Variants in PLEKHA7 observed in about 807,000 individuals in gnomAD.
The protein encoded by PLEKHA7 is pleckstrin homology domain containing A7, also known as pleckstrin homology domain-containing family A member 7.
In PLEKHA7, 104 loss-of-function variants were observed where a neutral mutation model predicts 170.0. That is an observed-to-expected ratio of 0.61 (90% CI 0.52 to 0.72). The LOEUF (loss-of-function observed/expected upper bound fraction) is 0.72, where lower values mean the gene tolerates loss of function less well. PLEKHA7 is among the 30% of genes least tolerant of loss of function. The pLI, the probability that PLEKHA7 is intolerant of heterozygous loss-of-function variation, is 0.00. For synonymous variants in PLEKHA7, 648 were observed against 660.8 expected (o/e 0.98, Z 0.30); for missense variants, 1,615 against 1,671.7 (o/e 0.97, Z 0.59).
rs542731628 is a variant in PLEKHA7 at position 16,981,648 on chromosome 11, C to T, written c.221+32341G>A. ...TAGTAGACGGGGTTGGGGGGCGGGG[C>T]GGGGAAGGAGCTGCAATAACTTGGC... On this transcript the variant is annotated intron_variant, in intron 3 of 26. Transcript: ENST00000531066. 2.6e-5 allele frequency among the ~76,000 whole-genome samples: 4 copies of T among 151,762 alleles called. No homozygotes were observed. In the South Asian group the frequency reaches 6.3e-4, roughly 24 times the overall value.
chr11:16,992,983 C>T (rs781437030), intron 3 of PLEKHA7, among the ~76,000 whole-genome samples: 3 of 152,148 alleles, frequency 2.0e-5, no homozygotes, highest in South Asian at 4.1e-4. Context: ...TGATATTTGA[C>T]GTGCTCTGAT....
intron 15 of PLEKHA7, among the ~76,000 whole-genome samples, chr11:16,802,279 AC>A (rs1848646437): frequency 6.6e-6 from 1 of 152,206 alleles, no homozygotes; most frequent in Admixed American, 6.5e-5. Flanking sequence ...TCCCATCCAG[AC>A]TTGCTGCCTC....
At chr11:16,882,894 C>A (rs530625448) in intron 3 of PLEKHA7, among the ~76,000 whole-genome samples, 2 of 150,546 alleles carry the variant, frequency 1.3e-5, no homozygotes, top group African/African-American at 5.0e-5. Context: ...ACACAGAGTT[C>A]AGAGTGGGTG....
At position 16,791,051 on chromosome 11, in the gene PLEKHA7, C is replaced by A; in HGVS notation, c.2894G>T (p.Arg965Leu). The change falls in exon 20 of 27, where the codon CGA (arginine) becomes CTA (leucine). Residue 965 changes from arginine to leucine, a missense_variant. Physicochemically the swap from Arg to Leu is moderately radical, Grantham distance 102. Coordinates refer to ENST00000531066, the MANE Select transcript of PLEKHA7 (RefSeq NM_001329630.2). The surrounding 1 kb of genome is among the most constrained non-coding windows in gnomAD (Gnocchi z 4.5). ...GLKRQSDERKRDRELGQCVNG... is the reference protein window; with the variant it reads ...GLKRQSDERKLDRELGQCVNG... Reference sequence around the variant, plus strand: ...CACACACTGCCCCAGCTCCCGGTCTCGCTTCCTCTCGTCTGACTGCCGCTT... The same window carrying A: ...CACACACTGCCCCAGCTCCCGGTCTAGCTTCCTCTCGTCTGACTGCCGCTT... 6.2e-7 allele frequency: 1 copy of A among 1,614,138 alleles called. No homozygotes were observed. Among genetic ancestry groups the A allele is most frequent in the Non-Finnish European group, 8.5e-7 (1 of 1,180,036 alleles).
intron 3 of PLEKHA7, among the ~76,000 whole-genome samples, chr11:17,000,696 A>T (rs779188034): frequency 1.9e-4 from 29 of 152,186 alleles, no homozygotes; most frequent in Non-Finnish European, 3.8e-4. Context: ...GTTGCCAGAT[A>T]CCATTCTAAG....
chr11:16,907,375 G>C (rs1285637183), intron 3 of PLEKHA7, among the ~76,000 whole-genome samples: 1 of 137,912 alleles, frequency 7.3e-6, no homozygotes, highest in African/African-American at 2.8e-5. Flanking sequence ...CGCCCCATCC[G>C]GGAGGGAGGT....
chr11:16,969,418 AC>A (rs1022837509), intron 3 of PLEKHA7, among the ~76,000 whole-genome samples: 1 of 152,040 alleles, frequency 6.6e-6, no homozygotes, highest in Non-Finnish European at 1.5e-5. Flanking sequence ...TTAATAGGGA[AC>A]CTATTTTGAT....
chr11:16,794,133 C>T (rs1050238363), intron 19 of PLEKHA7, among the ~76,000 whole-genome samples: 18 of 151,962 alleles, frequency 1.2e-4, no homozygotes, highest in African/African-American at 4.1e-4. Flanking sequence ...GAGCCCCCTG[C>T]GGATTTGCAC....
chr11:16,873,727 C>T (rs140897328), intron 3 of PLEKHA7, among the ~76,000 whole-genome samples: 1,532 of 152,286 alleles, frequency 0.01, 11 homozygotes, highest in Non-Finnish European at 0.015. Flanking sequence ...AGTGCAATGG[C>T]GTGATCTCGG....
At chr11:16,947,950 G>T (rs927827459) in intron 3 of PLEKHA7, among the ~76,000 whole-genome samples, 3 of 148,440 alleles carry the variant, frequency 2.0e-5, no homozygotes, top group African/African-American at 7.4e-5. Flanking sequence ...AAGAAAAAAA[G>T]AAAAGAAAAC....
Position 16,789,189 on chromosome 11 carries a change from G to A in PLEKHA7, c.3264C>T (p.Val1088=). 1 of 1,613,112 alleles carries A rather than the reference G, an allele frequency of 6.2e-7. No individual in the cohort carries two copies. Among genetic ancestry groups the A allele is most frequent in the East Asian group, 2.2e-5 (1 of 44,872 alleles). ...GGCCCAGTGTCCTCTTGCGCTCTCG[G>A]ACCAGGGCCTTCTGGTGTCGCTTCA... ...ERMKRHQKAL[V]RERKRTLGQG... The change falls in exon 23 of 27, where the codon GTC becomes GTT. Residue 1088 remains valine, a synonymous_variant. Transcript: ENST00000531066. The surrounding 1 kb of genome is among the most constrained non-coding windows in gnomAD (Gnocchi z 4.6).
intron 9 of PLEKHA7, among the ~76,000 whole-genome samples, chr11:16,836,166 A>C (rs763457911): frequency 6.6e-6 from 1 of 152,184 alleles, no homozygotes; most frequent in Non-Finnish European, 1.5e-5. Flanking sequence ...TGATGATATG[A>C]GTTTGGGCCC....
At chr11:16,885,789 T>C (rs1423280906) in intron 3 of PLEKHA7, among the ~76,000 whole-genome samples, 1 of 151,054 alleles carries the variant, frequency 6.6e-6, no homozygotes, top group African/African-American at 2.4e-5. Context: ...AGGTCAGGAG[T>C]TCGAGACCAG....
Position 16,851,244 on chromosome 11 carries a change from C to T in PLEKHA7, c.643G>A (p.Val215Met), listed in dbSNP as rs1028264032. The change falls in exon 8 of 27, where the codon GTG becomes ATG. Residue 215 changes from valine to methionine, a missense_variant. By Grantham distance (21) the Val-to-Met change is conservative. Coordinates refer to ENST00000531066, the MANE Select transcript of PLEKHA7 (RefSeq NM_001329630.2). ...TCCTCAGGGGCCACAGGAGAGATCA[C>T]GTAGCTGGGCAAGGGGATGCTCCCG... is the stretch of plus-strand genomic sequence containing the variant. ...VLGSIPLPSY[V>M]ISPVAPEDRI... The T allele has an allele frequency of 4.3e-6, 7 of 1,611,690 alleles. No individual in the cohort carries two copies. The highest frequency in any genetic ancestry group is 1.3e-5 in the African/African-American group (1 of 74,984).
rs767463609 is a variant in PLEKHA7 at position 16,877,839 on chromosome 11, T to C, written c.222-6657A>G. Among the ~76,000 whole-genome samples, 65 of 152,118 alleles carry C rather than the reference T, an allele frequency of 4.3e-4. 1 individual carries two copies. The highest frequency in any genetic ancestry group is 5.9e-4 in the Admixed American group (9 of 15,278). On this transcript the variant is annotated intron_variant, in intron 3 of 26. Coordinates refer to ENST00000531066, the MANE Select transcript of PLEKHA7 (RefSeq NM_001329630.2). ...GAGGCTCCATTCTTCCATTTGCAAA[T>C]AGGGGATAAAAATGTCCCTCCAAAA... is the stretch of plus-strand genomic sequence containing the variant.
At chr11:16,782,471 G>A (rs575118007) in intron 26 of PLEKHA7, among the ~76,000 whole-genome samples, 3 of 152,308 alleles carry the variant, frequency 2.0e-5, no homozygotes, top group African/African-American at 4.8e-5. Flanking sequence ...CAGAGGAAGT[G>A]GGGTAGCAGC....
chr11:16,802,887 A>T lies in PLEKHA7; in HGVS notation c.2157+85T>A. On this transcript the variant is annotated intron_variant, in intron 15 of 26. Coordinates refer to ENST00000531066, the MANE Select transcript of PLEKHA7 (RefSeq NM_001329630.2). ...AGCTAACATCTGCTCTTCAATACTA[A>T]CATGAGGGTCCAGCCTATGTCTCAA... 3.4e-6 allele frequency: 4 copies of T among 1,161,460 alleles called. No individual in the cohort carries two copies. In the South Asian group the frequency reaches 4.9e-5, roughly 14 times the overall value. The allele number at this position is 1,161,460 out of a possible 1,614,324, so 71.9% of individuals were successfully genotyped here. A position where few individuals can be genotyped will look rare whatever the true frequency, so the allele number is the denominator to read the frequency against.
At chr11:16,933,908 G>A (rs1233641834) in intron 3 of PLEKHA7, among the ~76,000 whole-genome samples, 2 of 152,166 alleles carry the variant, frequency 1.3e-5, no homozygotes, top group South Asian at 4.1e-4. Context: ...CTGAGAGCAC[G>A]CTGCCCAGGC....
intron 3 of PLEKHA7, among the ~76,000 whole-genome samples, chr11:16,967,814 C>T (rs183840857): frequency 8.2e-5 from 12 of 146,368 alleles, no homozygotes; most frequent in Admixed American, 2.6e-4. Context: ...CCCCATTTGA[C>T]ACACACACAC....
Sources: gnomAD v4.1 joint callset for allele counts (sites outside exome capture counted in the v4.1 genomes callset) on GRCh38, gnomAD v4.1.1 for gene constraint, Gnocchi (gnomAD v3.1) non-coding constraint, MANE v1.5 for transcripts, NCBI Gene and HGNC (gene_info 2026-07-23, HGNC 2026-07-21) for gene names.